AFAP1L1: variants seen among roughly 807,000 people sequenced by gnomAD.
The protein encoded by AFAP1L1 is actin filament associated protein 1 like 1.
Under a neutral mutation model 99.8 loss-of-function variants are expected in AFAP1L1, and 77 were observed. The ratio of observed to expected loss-of-function variants is 0.77; its 90% CI spans 0.64 to 0.93. The LOEUF is 0.93. Ranked by LOEUF, AFAP1L1 falls within the 40% of genes least tolerant of loss-of-function variation. AFAP1L1 has a pLI of 0.00. For missense variants in AFAP1L1, 893 were observed against 996.8 expected (o/e 0.90, Z 1.40); for synonymous variants, 373 against 395.3 (o/e 0.94, Z 0.67).
chr5:149,321,816 G>A (rs1442827010), intron 14 of AFAP1L1, among the ~76,000 whole-genome samples: 1 of 151,838 alleles, frequency 6.6e-6, no homozygotes, highest in African/African-American at 2.4e-5. Flanking sequence ...GAGGTGGGTG[G>A]ATCACTTAAG....
chr5:149,277,998 T>C (rs1755391636), intron 1 of AFAP1L1, among the ~76,000 whole-genome samples: 1 of 152,190 alleles, frequency 6.6e-6, no homozygotes, highest in African/African-American at 2.4e-5. Context: ...CCCTCAAATA[T>C]CAGTTTCAAA....
At chr5:149,322,857 A>G (rs1299842700) in intron 15 of AFAP1L1, 140 bp downstream of exon 15, 4 of 677,748 alleles carry the variant, frequency 5.9e-6, no homozygotes, top group Non-Finnish European at 7.5e-6. Flanking sequence ...ACCGTAAGAA[A>G]AATCACAGAG....
chr5:149,271,967 C>T lies in AFAP1L1; in HGVS notation c.-2C>T. ...CCGCTCCCCGGGGACCGGGCCGGCG[C>T]CATGGACCGAGGCCAGGGTAAGAGG... On this transcript the variant is annotated 5_prime_UTR_variant, in exon 1 of 19. Transcript: ENST00000296721. 14 of 1,236,178 alleles carry T rather than the reference C, an allele frequency of 1.1e-5. No homozygotes were observed. The highest frequency in any genetic ancestry group is 1.4e-5 in the Non-Finnish European group (14 of 987,954). The allele number at this position is 1,236,178 out of a possible 1,614,324, so 76.6% of individuals were successfully genotyped here. A position where few individuals can be genotyped will look rare whatever the true frequency, so the allele number is the denominator to read the frequency against.
chr5:149,294,819 C>A (rs1285365918), intron 1 of AFAP1L1, among the ~76,000 whole-genome samples: 1 of 152,174 alleles, frequency 6.6e-6, no homozygotes, highest in South Asian at 2.1e-4. Context: ...CCCACCTCCC[C>A]CCAGCCCCAG....
rs756695294 is a variant in AFAP1L1, at chr5:149,310,073, G to A, written c.865G>A (p.Gly289Arg). 4 of 1,614,098 alleles carry A rather than the reference G, an allele frequency of 2.5e-6. No individual in the cohort carries two copies. Among genetic ancestry groups the A allele is most frequent in the South Asian group, 1.1e-5 (1 of 91,068 alleles). ...GAGGCACGAGCTGCGTTTCACCCAG[G>A]GGGCTACCGAGGTCTTGGTGCTGGC... ...HKRHELRFTQ[G>R]ATEVLVLALQ... is the part of the protein sequence containing the mutation. Residue 289 changes from glycine to arginine, a missense_variant, in exon 8 of 19, where the codon GGG becomes AGG. By Grantham distance (125) the Gly-to-Arg change is moderately radical (BLOSUM62 -2). Coordinates refer to ENST00000296721, the MANE Select transcript of AFAP1L1 (RefSeq NM_152406.4).
rs1212212272 is a variant in AFAP1L1 at position 149,279,398 on chromosome 5, G to A, written c.16+7414G>A. ...TATGTAGCTTAAGGACTACTCTCAC[G>A]TAAAATTCAAGAAGCTTTCGCAGCT... On this transcript the variant is annotated intron_variant, in intron 1 of 18. Transcript: ENST00000296721. Among the ~76,000 whole-genome samples, 5 of 151,128 alleles carry A rather than the reference G, an allele frequency of 3.3e-5. No individual in the cohort carries two copies. The East Asian group carries it at 7.7e-4, about 23-fold the overall frequency.
intron 15 of AFAP1L1, among the ~76,000 whole-genome samples, chr5:149,326,985 A>G (rs1032849462): frequency 3.3e-5 from 5 of 152,296 alleles, no homozygotes; most frequent in Admixed American, 1.3e-4. Flanking sequence ...GGTTGGGGGG[A>G]TGCATATCAA....
intron 1 of AFAP1L1, among the ~76,000 whole-genome samples, chr5:149,298,998 T>G (rs1249155060): frequency 6.6e-6 from 1 of 152,226 alleles, no homozygotes; most frequent in Non-Finnish European, 1.5e-5. Flanking sequence ...TAATGTTTAG[T>G]TTGGCTGTGG....
At chr5:149,280,326 C>G (rs1212646681) in intron 1 of AFAP1L1, among the ~76,000 whole-genome samples, 1 of 152,188 alleles carries the variant, frequency 6.6e-6, no homozygotes, top group Non-Finnish European at 1.5e-5. Context: ...TGCTCTTGCC[C>G]TCTCCAGCCT....
intron 1 of AFAP1L1, among the ~76,000 whole-genome samples, chr5:149,290,150 T>G: frequency 6.6e-6 from 1 of 152,180 alleles, no homozygotes; most frequent in Non-Finnish European, 1.5e-5. Flanking sequence ...GGAGAATTGC[T>G]TGAACCCGGG....
chr5:149,302,425 AC>A lies in AFAP1L1; in HGVS notation c.337del (p.Leu113CysfsTer59), dbSNP rs1756254334. The A allele has an allele frequency of 1.3e-6, 2 of 1,582,556 alleles. No individual in the cohort carries two copies. The highest frequency in any genetic ancestry group is 2.3e-5 in the East Asian group (1 of 43,624). On this transcript the variant is annotated frameshift_variant, in exon 5 of 19. Coordinates refer to ENST00000296721, the MANE Select transcript of AFAP1L1 (RefSeq NM_152406.4). LOFTEE classifies it high-confidence loss of function. The stretch of plus-strand genomic sequence containing the variant: ...TTTTTTGTCCCCTTGCAGGCGGCCG[AC>A]CTGCCTCCACCGCTCCCCAACAAGC... ...AKSPRLRNAA[D>X]LPPPLPNKPP...
At chr5:149,333,371 ACTCCAGAGCCCTG>A in intron 17 of AFAP1L1, among the ~76,000 whole-genome samples, 1 of 152,246 alleles carries the variant, frequency 6.6e-6, no homozygotes. Flanking sequence ...AGGAAGTCTA[ACTCCAGAGCCCTG>A]CTCCAGAGCC....
At chr5:149,331,950 G>A (rs922576042) in intron 16 of AFAP1L1, among the ~76,000 whole-genome samples, 1 of 152,036 alleles carries the variant, frequency 6.6e-6, no homozygotes, top group African/African-American at 2.4e-5. Flanking sequence ...AATGACCACC[G>A]CAGAGCCCTC....
intron 1 of AFAP1L1, among the ~76,000 whole-genome samples, chr5:149,297,211 A>T (rs1194218672): frequency 1.3e-5 from 2 of 152,206 alleles, no homozygotes; most frequent in South Asian, 4.1e-4. Context: ...TGCTTTAAAG[A>T]GGGAAACATA....
chr5:149,272,324 C>A (rs1229098298), intron 1 of AFAP1L1, among the ~76,000 whole-genome samples: 1 of 152,216 alleles, frequency 6.6e-6, no homozygotes, highest in African/African-American at 2.4e-5. Context: ...AAGGGGAAAA[C>A]AAGGTGTACA....
intron 9 of AFAP1L1, among the ~76,000 whole-genome samples, chr5:149,313,134 A>T (rs1261693838): frequency 6.6e-6 from 1 of 152,134 alleles, no homozygotes; most frequent in Non-Finnish European, 1.5e-5. Flanking sequence ...TTAAAAAAAA[A>T]AAAAAAAGAG....
At chr5:149,302,166 A>G (rs188377088) in intron 4 of AFAP1L1, among the ~76,000 whole-genome samples, 75 of 152,354 alleles carry the variant, frequency 4.9e-4, no homozygotes, top group African/African-American at 1.8e-3. Context: ...AGTAAAAAGT[A>G]TGACTACTAC....
At chr5:149,338,569 G>A (rs1235557807) in intron 18 of AFAP1L1, among the ~76,000 whole-genome samples, 1 of 152,200 alleles carries the variant, frequency 6.6e-6, no homozygotes, top group Non-Finnish European at 1.5e-5. Flanking sequence ...CCTACAGTTA[G>A]TCATTAAACA....
Position 149,329,654 on chromosome 5 carries a change from A to G in AFAP1L1, c.1811-12A>G, listed in dbSNP as rs1420586549. On this transcript the variant is annotated splice_polypyrimidine_tract_variant and intron_variant, in intron 15 of 18. Coordinates refer to ENST00000296721, the MANE Select transcript of AFAP1L1 (RefSeq NM_152406.4). ...AGAACTGAGGGCCTTTCCCTTCCCCATATCTCTGCAGGTGCCAATCAATAC... is the reference window on the plus strand; with the variant it reads ...AGAACTGAGGGCCTTTCCCTTCCCCGTATCTCTGCAGGTGCCAATCAATAC... 6 of 1,609,542 alleles carry G rather than the reference A, an allele frequency of 3.7e-6. No homozygotes were observed. Among genetic ancestry groups the G allele is most frequent in the South Asian group, 1.1e-5 (1 of 90,122 alleles).
Sources: gnomAD v4.1 joint callset for allele counts (sites outside exome capture counted in the v4.1 genomes callset) on GRCh38, gnomAD v4.1.1 for gene constraint, MANE v1.5 for transcripts, NCBI Gene and HGNC (gene_info 2026-07-23, HGNC 2026-07-21) for gene names.